COL19A1: variants seen among roughly 807,000 people sequenced by gnomAD.
COL19A1 encodes the protein collagen type XIX alpha 1 chain.
Under a neutral mutation model 190.2 loss-of-function variants are expected in COL19A1, and 159 were observed. The observed-to-expected ratio is 0.84, with a 90% confidence interval of 0.73 to 0.95. The LOEUF (loss-of-function observed/expected upper bound fraction) is 0.95. COL19A1 is among the 40% of genes least tolerant of loss of function. COL19A1 has a pLI of 0.00. For missense variants in COL19A1, 1,418 were observed against 1,431.9 expected (o/e 0.99, Z 0.16); for synonymous variants, 509 against 458.9 (o/e 1.11, Z -1.39).
intron 16 of COL19A1, among the ~76,000 whole-genome samples, chr6:70,107,474 C>T (rs1784045943): frequency 6.6e-6 from 1 of 152,140 alleles, no homozygotes; most frequent in Admixed American, 6.6e-5. Flanking sequence ...TACAAGAGCC[C>T]AATGTCATTG....
chr6:70,025,618 A>G (rs1177670250), intron 12 of COL19A1, among the ~76,000 whole-genome samples: 3 of 152,308 alleles, frequency 2.0e-5, no homozygotes, highest in Middle Eastern at 3.4e-3. Flanking sequence ...TGGATTCTGA[A>G]ATGGATAGAA....
chr6:69,929,905 A>T (rs946015083), intron 6 of COL19A1, among the ~76,000 whole-genome samples: 1 of 152,142 alleles, frequency 6.6e-6, no homozygotes, highest in Non-Finnish European at 1.5e-5. Context: ...ACTCCATTTT[A>T]TACCCATTTT....
At chr6:69,880,745 G>C (rs548454166) in intron 2 of COL19A1, among the ~76,000 whole-genome samples, 4 of 152,194 alleles carry the variant, frequency 2.6e-5, no homozygotes, top group Non-Finnish European at 2.9e-5. Flanking sequence ...ATACAATTTG[G>C]GGGGGAAACT....
At chr6:69,999,719 A>G (rs2150082805) in intron 11 of COL19A1, among the ~76,000 whole-genome samples, 1 of 152,324 alleles carries the variant, frequency 6.6e-6, no homozygotes, top group South Asian at 2.1e-4. Context: ...CTAAATTAGT[A>G]TCTAATGTAA....
chr6:70,149,896 G>A lies in COL19A1; in HGVS notation c.1975G>A (p.Gly659Arg). ...GTTGCCAGGAACTCCAGGGACTCCA[G>A]GGAATGATGTAAGGACTTTCTTTAT... ...PGLPGTPGTPGNDGVPGRDGK... is the reference protein window; with the variant it reads ...PGLPGTPGTPRNDGVPGRDGK... The change falls in exon 29 of 51, where the codon GGG (glycine) becomes AGG (arginine). Residue 659 changes from glycine (G) to arginine (R), a missense_variant. Transcript: ENST00000620364. 6.2e-7 allele frequency: 1 copy of A among 1,613,720 alleles called. No individual in the cohort carries two copies. The highest frequency in any genetic ancestry group is 8.5e-7 in the Non-Finnish European group (1 of 1,179,786).
intron 2 of COL19A1, among the ~76,000 whole-genome samples, chr6:69,892,050 G>A (rs945703307): frequency 2.6e-5 from 4 of 152,198 alleles, no homozygotes; most frequent in Non-Finnish European, 5.9e-5. Context: ...GAGGGGAAAG[G>A]ATGTCTTGTG....
chr6:70,174,816 AT>A (rs931682519), intron 41 of COL19A1, among the ~76,000 whole-genome samples: 2 of 152,162 alleles, frequency 1.3e-5, no homozygotes, highest in African/African-American at 2.4e-5. Flanking sequence ...AAGATAACAA[AT>A]TTGTACCATC....
chr6:70,145,722 CTTTTT>C (rs56306364), intron 25 of COL19A1, among the ~76,000 whole-genome samples: 1 of 128,170 alleles, frequency 7.8e-6, no homozygotes, highest in African/African-American at 2.9e-5. Context: ...CTTATTGTTT[CTTTTT>C]TTTTTTTTTT....
intron 44 of COL19A1, among the ~76,000 whole-genome samples, chr6:70,182,497 T>A (rs147056810): frequency 2.6e-4 from 39 of 152,260 alleles, no homozygotes; most frequent in African/African-American, 7.9e-4. Flanking sequence ...TTAGGGTATC[T>A]AAACCTGAGC....
At chr6:70,039,237 C>T (rs888136222) in intron 14 of COL19A1, among the ~76,000 whole-genome samples, 2 of 152,126 alleles carry the variant, frequency 1.3e-5, no homozygotes, top group East Asian at 1.9e-4. Context: ...CAGGCACGCT[C>T]GAGAACTAAG....
At chr6:69,926,285 G>A (rs992813966) in intron 4 of COL19A1, among the ~76,000 whole-genome samples, 1 of 152,102 alleles carries the variant, frequency 6.6e-6, no homozygotes, top group South Asian at 2.1e-4. Flanking sequence ...ACAGATAAAA[G>A]AGTGGCCAAT....
intron 41 of COL19A1, among the ~76,000 whole-genome samples, chr6:70,173,014 C>T (rs557904064): frequency 6.6e-6 from 1 of 152,154 alleles, no homozygotes; most frequent in African/African-American, 2.4e-5. Flanking sequence ...AGATTGATTG[C>T]ATTATTAGAG....
chr6:69,910,717 A>G (rs1363617129), intron 4 of COL19A1, among the ~76,000 whole-genome samples: 1 of 152,148 alleles, frequency 6.6e-6, no homozygotes, highest in Admixed American at 6.6e-5. Flanking sequence ...CTTTTATCCT[A>G]TGAATCAATC....
chr6:70,010,640 C>T lies in COL19A1; in HGVS notation c.1027-12987C>T, dbSNP rs919979635. Among the ~76,000 whole-genome samples, 38 of 139,526 alleles carry T rather than the reference C, an allele frequency of 2.7e-4. 3 individuals are homozygous for T. Among genetic ancestry groups the T allele is most frequent in the Admixed American group, 1.9e-3 (27 of 14,232 alleles). 91.5% of individuals were successfully genotyped at this position (139,526 alleles called of 152,430 possible). ...TAGGGTCACTCCCACCCGAATATTGCGCTTTTCAGACCGGCTTAAGAAACG... is the reference window on the plus strand; with the variant it reads ...TAGGGTCACTCCCACCCGAATATTGTGCTTTTCAGACCGGCTTAAGAAACG... On this transcript the variant is annotated intron_variant, in intron 11 of 50. Transcript: ENST00000620364.
chr6:70,199,601 C>A lies in COL19A1; in HGVS notation c.3095-7C>A. On this transcript the variant is annotated splice_region_variant and splice_polypyrimidine_tract_variant and intron_variant, in intron 48 of 50. Transcript: ENST00000620364. The stretch of plus-strand genomic sequence containing the variant: ...ATGATATATTATTTTTTCTTCTATA[C>A]ATGAAGAGAGGATGGCTGTATTCCT... 6.4e-7 allele frequency: 1 copy of A among 1,551,548 alleles called. No homozygotes were observed. Among genetic ancestry groups the A allele is most frequent in the Non-Finnish European group, 8.7e-7 (1 of 1,146,284 alleles).
rs533748205 is a variant in COL19A1, at chr6:70,135,522, T to C, written c.1384-2163T>C. On this transcript the variant is annotated intron_variant, in intron 18 of 50. Coordinates refer to ENST00000620364, the MANE Select transcript of COL19A1 (RefSeq NM_001858.6). ...TTCTACGAGTTGTATGCCAGGAAAC[T>C]GGGAGGAAGACCAAATATGTATTTT... 2.8e-4 allele frequency among the ~76,000 whole-genome samples: 43 copies of C among 152,212 alleles called. 1 individual carries two copies. In the South Asian group the frequency reaches 6.6e-3, roughly 23 times the overall value.
intron 9 of COL19A1, among the ~76,000 whole-genome samples, chr6:69,944,340 T>A (rs73746823): frequency 0.031 from 4,787 of 152,098 alleles, 252 homozygotes; most frequent in African/African-American, 0.11. Flanking sequence ...GAACAACACA[T>A]AAATAATAGG....
At chr6:69,907,936 C>T (rs976001382) in intron 4 of COL19A1, among the ~76,000 whole-genome samples, 1 of 152,132 alleles carries the variant, frequency 6.6e-6, no homozygotes, top group South Asian at 2.1e-4. Context: ...TAGAAAGATA[C>T]ACAGTGCAAG....
intron 11 of COL19A1, among the ~76,000 whole-genome samples, chr6:69,972,875 A>G (rs961298625): frequency 3.9e-5 from 6 of 152,216 alleles, no homozygotes; most frequent in African/African-American, 1.4e-4. Context: ...TGAATTTAGT[A>G]GTAATGTTAA....
Sources: allele counts gnomAD v4.1 joint callset (sites outside exome capture counted in the v4.1 genomes callset), GRCh38; gene constraint gnomAD v4.1.1; transcripts MANE v1.5; gene names NCBI Gene and HGNC (gene_info 2026-07-23, HGNC 2026-07-21).